PIK3R5: variants seen among roughly 807,000 people sequenced by gnomAD.
PIK3R5 encodes phosphoinositide-3-kinase regulatory subunit 5, also known as phosphoinositide 3-kinase regulatory subunit 5.
In PIK3R5, 32 loss-of-function variants were observed where a neutral mutation model predicts 94.9. The observed-to-expected ratio is 0.34, with a 90% CI of 0.25 to 0.45. The LOEUF (loss-of-function observed/expected upper bound fraction) is 0.45, where lower values mean the gene tolerates loss of function less well. Among genes scored for constraint, PIK3R5 ranks in the 20% least tolerant of loss-of-function variants. PIK3R5 has a pLI of 1.00. For missense variants in PIK3R5, 853 were observed against 1,144.6 expected, an observed-to-expected ratio of 0.75 and a Z score of 3.68; for synonymous variants, 443 against 479.4, an observed-to-expected ratio of 0.92 and a Z score of 0.99.
chr17:8,962,312 T>C (rs1216236906), intron 1 of PIK3R5, among the ~76,000 whole-genome samples: 1 of 152,136 alleles, frequency 6.6e-6, no homozygotes, highest in Non-Finnish European at 1.5e-5. Context: ...GAACGAAGCA[T>C]GAATGTACAA....
intron 1 of PIK3R5, among the ~76,000 whole-genome samples, chr17:8,944,385 C>T (rs1306219488): frequency 1.3e-5 from 2 of 152,192 alleles, no homozygotes; most frequent in East Asian, 3.8e-4. Flanking sequence ...CTGCAATGAA[C>T]ATATGCATGC....
rs1224806697 is a variant in PIK3R5 at position 8,886,221 on chromosome 17, G to A, written c.2128+8C>T. 1.2e-6 allele frequency: 2 copies of A among 1,606,234 alleles called. No homozygotes were observed. Among genetic ancestry groups the A allele is most frequent in the East Asian group, 2.2e-5 (1 of 44,872 alleles). ...CTCACCGTCTGTCTCTGCTCAGGCAGTACCCACCTGACGCCTTGATGGCAC... is the reference window on the plus strand; with the variant it reads ...CTCACCGTCTGTCTCTGCTCAGGCAATACCCACCTGACGCCTTGATGGCAC... On this transcript the variant is annotated splice_region_variant and intron_variant, in intron 14 of 18. Coordinates refer to ENST00000447110, the MANE Select transcript of PIK3R5 (RefSeq NM_001142633.3).
chr17:8,890,570 C>T lies in PIK3R5; in HGVS notation c.657+168G>A, dbSNP rs1390031862. On this transcript the variant is annotated intron_variant, in intron 7 of 18. Coordinates refer to ENST00000447110, the MANE Select transcript of PIK3R5 (RefSeq NM_001142633.3). This position sits in a 1 kb window ranked among gnomAD's most constrained non-coding sequence, Gnocchi z 6.1. ...CCACCCAGCTGGTTAGGATCCAGCA[C>T]ACCAGAAACACCCTCTATGAGGTCA... 6.6e-6 allele frequency among the ~76,000 whole-genome samples: 1 copy of T among 152,250 alleles called. No homozygotes were observed. The highest frequency in any genetic ancestry group is 1.5e-5 in the Non-Finnish European group (1 of 68,044).
intron 1 of PIK3R5, among the ~76,000 whole-genome samples, chr17:8,924,888 C>T (rs2090841032): frequency 6.6e-6 from 1 of 152,174 alleles, no homozygotes; most frequent in Admixed American, 6.5e-5. Flanking sequence ...GTCAAGAGTC[C>T]CGTTTAGCCC....
Position 8,892,619 on chromosome 17 carries a change from C to T in PIK3R5, c.482+967G>A, listed in dbSNP as rs1219197556. On this transcript the variant is annotated intron_variant, in intron 6 of 18. Coordinates refer to ENST00000447110, the MANE Select transcript of PIK3R5 (RefSeq NM_001142633.3). This position sits in a 1 kb window ranked among gnomAD's most constrained non-coding sequence, Gnocchi z 4.3. ...TTCTTCATCAGCCCACCTGCCCCAGCTCCCCCAGAGGAATCTTATTTACTT... is the reference window on the plus strand; with the variant it reads ...TTCTTCATCAGCCCACCTGCCCCAGTTCCCCCAGAGGAATCTTATTTACTT... Among the ~76,000 whole-genome samples the T allele has an allele frequency of 6.6e-6, 1 of 152,212 alleles. No homozygotes were observed. Among genetic ancestry groups the T allele is most frequent in the East Asian group, 1.9e-4 (1 of 5,196 alleles).
chr17:8,915,378 C>T (rs1477537527), intron 1 of PIK3R5, among the ~76,000 whole-genome samples: 6 of 148,492 alleles, frequency 4.0e-5, no homozygotes, highest in Admixed American at 1.3e-4. Context: ...GAGCCAAGAT[C>T]ATGCCAGCCT....
chr17:8,939,915 T>C (rs1357410104), intron 1 of PIK3R5, among the ~76,000 whole-genome samples: 1 of 152,196 alleles, frequency 6.6e-6, no homozygotes, highest in Non-Finnish European at 1.5e-5. Context: ...TCCTCAAATC[T>C]GCGTATTTCT....
Position 8,888,043 on chromosome 17 carries a change from A to ATAG in PIK3R5, c.1616+127_1616+128insCTA, listed in dbSNP as rs1491208423. 2.9e-5 allele frequency: 8 copies of ATAG among 280,542 alleles called. No individual in the cohort carries two copies. Among genetic ancestry groups the ATAG allele is most frequent in the Non-Finnish European group, 4.5e-5 (7 of 156,794 alleles). The allele number at this position is 280,542 out of a possible 1,614,324, so 17.4% of individuals were successfully genotyped here. On this transcript the variant is annotated intron_variant, in intron 10 of 18. Coordinates refer to ENST00000447110, the MANE Select transcript of PIK3R5 (RefSeq NM_001142633.3). The surrounding 1 kb of genome is among the most constrained non-coding windows in gnomAD (Gnocchi z 7.8). ...AATAATAATAATAATAATAATAATA[A>ATAG]TAATAAAATAAAAATAAATAAGGGA...
rs368272449 is a variant in PIK3R5 at position 8,884,827 on chromosome 17, C to T, written c.2129-44G>A. On this transcript the variant is annotated intron_variant, in intron 14 of 18. Coordinates refer to ENST00000447110, the MANE Select transcript of PIK3R5 (RefSeq NM_001142633.3). The surrounding 1 kb of genome is among the most constrained non-coding windows in gnomAD (Gnocchi z 5.8). ...GACCCTTCACTACCCCTGGCTTCCC[C>T]GGCTCCTCACGAACGCAGTGGCCTT... 1.0e-5 allele frequency: 16 copies of T among 1,569,714 alleles called. 1 individual carries two copies. The highest frequency in any genetic ancestry group is 6.6e-5 in the South Asian group (6 of 90,234).
intron 1 of PIK3R5, among the ~76,000 whole-genome samples, chr17:8,919,888 C>CTTT (rs11290606): frequency 4.6e-4 from 49 of 107,596 alleles, no homozygotes; most frequent in Non-Finnish European, 5.9e-4. Flanking sequence ...CTTTTTCCTT[C>CTTT]TTTTTTTTTT....
chr17:8,948,042 TAAAAAAAAA>T (rs71135932), intron 1 of PIK3R5, among the ~76,000 whole-genome samples: 1 of 62,782 alleles, frequency 1.6e-5, no homozygotes, highest in Non-Finnish European at 3.0e-5. Flanking sequence ...GACTCCGTCT[TAAAAAAAAA>T]AAAAAAAAAA....
chr17:8,913,114 T>C (rs2090560333), intron 1 of PIK3R5, among the ~76,000 whole-genome samples: 1 of 152,138 alleles, frequency 6.6e-6, no homozygotes, highest in African/African-American at 2.4e-5. Context: ...TGAAACATGC[T>C]GTAAAGGATG....
chr17:8,886,087 C>A, intron 14 of PIK3R5, 142 bp downstream of exon 14: 1 of 634,684 alleles, frequency 1.6e-6, no homozygotes, highest in Admixed American at 2.4e-5. Context: ...CTCCCGGTAA[C>A]CCCGTCTCCC....
rs1198790292 is a variant in PIK3R5 at position 8,925,938 on chromosome 17, C to A, written c.-13-14431G>T. ...GACCCCAATGGAGAGGTCTGGGCTA[C>A]AGCTCTCTATTTGGGAGTTCACATG... On this transcript the variant is annotated intron_variant, in intron 1 of 18. Coordinates refer to ENST00000447110, the MANE Select transcript of PIK3R5 (RefSeq NM_001142633.3). This position sits in a 1 kb window ranked among gnomAD's most constrained non-coding sequence, Gnocchi z 5.1. 6.6e-6 allele frequency among the ~76,000 whole-genome samples: 1 copy of A among 152,208 alleles called. No individual in the cohort carries two copies. Among genetic ancestry groups the A allele is most frequent in the Non-Finnish European group, 1.5e-5 (1 of 68,028 alleles).
rs973602286 is a variant in PIK3R5, at chr17:8,889,652, C to G, written c.811+321G>C. 1.2e-4 allele frequency among the ~76,000 whole-genome samples: 19 copies of G among 152,126 alleles called. No homozygotes were observed. The highest frequency in any genetic ancestry group is 3.6e-4 in the African/African-American group (15 of 41,394). ...TTGGGGCAAGATGTGGCCACGTGACCAAGGCGGGCTCAAAGGAACATGAGC... is the reference window on the plus strand; with the variant it reads ...TTGGGGCAAGATGTGGCCACGTGACGAAGGCGGGCTCAAAGGAACATGAGC... On this transcript the variant is annotated intron_variant, in intron 8 of 18. Coordinates refer to ENST00000447110, the MANE Select transcript of PIK3R5 (RefSeq NM_001142633.3). The surrounding 1 kb of genome is among the most constrained non-coding windows in gnomAD (Gnocchi z 4.1).
intron 1 of PIK3R5, among the ~76,000 whole-genome samples, chr17:8,947,744 C>A (rs1025120409): frequency 2.6e-5 from 4 of 152,054 alleles, no homozygotes; most frequent in African/African-American, 4.8e-5. Context: ...TGAAAGCAAG[C>A]CTTAAGAAAA....
rs1226209341 is a variant in PIK3R5 at position 8,886,016 on chromosome 17, C to T, written c.2128+213G>A. On this transcript the variant is annotated intron_variant, in intron 14 of 18. Transcript: ENST00000447110. ...CCCTACCTTCCCGTGGCCCCACCTC[C>T]CGTATCCCTGCCTCCCCAGGGCCCC... is the stretch of plus-strand genomic sequence containing the variant. 2.0e-5 allele frequency among the ~76,000 whole-genome samples: 3 copies of T among 150,426 alleles called. No individual in the cohort carries two copies. In the East Asian group the frequency reaches 6.0e-4, roughly 30 times the overall value.
rs761006557 is a variant in PIK3R5, at chr17:8,889,091, G to A, written c.895+48C>T. On this transcript the variant is annotated intron_variant, in intron 9 of 18. Transcript: ENST00000447110. This position sits in a 1 kb window ranked among gnomAD's most constrained non-coding sequence, Gnocchi z 4.1. ...GCATGGACCCAGGACCAGAAACACA[G>A]CTCAGGCAGTGTGGGGCATGGGTGT... The A allele has an allele frequency of 6.3e-6, 10 of 1,577,100 alleles. No individual in the cohort carries two copies.
Position 8,904,292 on chromosome 17 carries a change from G to C in PIK3R5, c.412+485C>G, listed in dbSNP as rs1472792654. 6.6e-6 allele frequency among the ~76,000 whole-genome samples: 1 copy of C among 152,154 alleles called. No individual in the cohort carries two copies. The highest frequency in any genetic ancestry group is 1.5e-5 in the Non-Finnish European group (1 of 68,034). The stretch of plus-strand genomic sequence containing the variant: ...CCCACACATGAAAACTGAGTCCCGG[G>C]TCTTGTCCACATTTGTCACAGTGGT... On this transcript the variant is annotated intron_variant, in intron 5 of 18. Transcript: ENST00000447110. This position sits in a 1 kb window ranked among gnomAD's most constrained non-coding sequence, Gnocchi z 5.1.
Sources: allele counts gnomAD v4.1 joint callset (sites outside exome capture counted in the v4.1 genomes callset), GRCh38; gene constraint gnomAD v4.1.1; non-coding constraint Gnocchi (gnomAD v3.1); transcripts MANE v1.5; gene names NCBI Gene and HGNC (gene_info 2026-07-23, HGNC 2026-07-21).